The following PLXNA2 variants were observed in gnomAD, a reference collection of about 807,000 sequenced individuals.
The protein encoded by PLXNA2 is plexin-A2.
A neutral mutation model predicts 193.5 loss-of-function variants in PLXNA2; 91 were observed. The observed-to-expected ratio is 0.47, with a 90% confidence interval of 0.40 to 0.56. The LOEUF is 0.56. Among genes scored for constraint, PLXNA2 ranks in the 20% least tolerant of loss-of-function variants. The pLI is 0.00. For missense variants in PLXNA2, 1,995 were observed against 2,503.2 expected (o/e 0.80, Z 4.33); for synonymous variants, 997 against 1,027.3 (o/e 0.97, Z 0.56).
chr1:208,122,768 G>A (rs1667844942), intron 4 of PLXNA2, among the ~76,000 whole-genome samples: 1 of 152,148 alleles, frequency 6.6e-6, no homozygotes, highest in African/African-American at 2.4e-5. Flanking sequence ...AATAAGGATG[G>A]CAGAACCCTT....
intron 3 of PLXNA2, among the ~76,000 whole-genome samples, chr1:208,143,234 C>T (rs1015829393): frequency 1.1e-4 from 17 of 152,166 alleles, no homozygotes; most frequent in African/African-American, 3.9e-4. Flanking sequence ...AAAAGCTCCC[C>T]GGGTGAATTT....
intron 12 of PLXNA2, among the ~76,000 whole-genome samples, chr1:208,066,179 G>T (rs185125405): frequency 7.9e-5 from 12 of 152,314 alleles, no homozygotes; most frequent in African/African-American, 2.9e-4. Context: ...TTATACTGTG[G>T]ACTAGAAGTC....
intron 17 of PLXNA2, among the ~76,000 whole-genome samples, chr1:208,046,561 A>AGT (rs146562998): frequency 0.029 from 4,316 of 149,062 alleles, 189 homozygotes; most frequent in African/African-American, 0.099. Flanking sequence ...TGTGTGCATG[A>AGT]GTGTGTGTGT....
intron 17 of PLXNA2, 129 bp downstream of exon 17, chr1:208,050,880 A>G: frequency 1.5e-6 from 1 of 678,848 alleles, no homozygotes; most frequent in Non-Finnish European, 2.6e-6. Context: ...TTCCAGGCTC[A>G]GAGTCTTAAG....
intron 4 of PLXNA2, among the ~76,000 whole-genome samples, chr1:208,126,916 G>C (rs768418018): frequency 9.9e-5 from 15 of 152,174 alleles, no homozygotes; most frequent in Admixed American, 2.6e-4. Context: ...CCTGGGCCCA[G>C]GGACAGGTGA....
At chr1:208,220,125 G>A (rs527439284) in intron 1 of PLXNA2, among the ~76,000 whole-genome samples, 7 of 152,292 alleles carry the variant, frequency 4.6e-5, no homozygotes, top group Admixed American at 4.6e-4. Context: ...GGGGAGGAAG[G>A]GGGTTCTGGT....
At chr1:208,031,190 A>G (rs1365988384) in intron 29 of PLXNA2, 6 of 1,035,734 alleles carry the variant, frequency 5.8e-6, no homozygotes, top group Non-Finnish European at 7.0e-6. Flanking sequence ...GAACTGCCCC[A>G]CTCAGAATGC....
chr1:208,060,933 A>G, intron 12 of PLXNA2, 96 bp from the exon 13 acceptor site: 1 of 1,056,146 alleles, frequency 9.5e-7, no homozygotes, highest in Non-Finnish European at 1.4e-6. Flanking sequence ...AAGAACCTCC[A>G]TAGGTTCTTA....
intron 12 of PLXNA2, among the ~76,000 whole-genome samples, chr1:208,063,821 G>C (rs1386916877): frequency 1.3e-5 from 2 of 152,152 alleles, no homozygotes; most frequent in Non-Finnish European, 2.9e-5. Context: ...GTGATTATTT[G>C]ATTTGCAAGT....
chr1:208,033,551 C>T (rs1664575963), intron 27 of PLXNA2, 42 bp from the exon 28 acceptor site: 3 of 1,505,748 alleles, frequency 2.0e-6, no homozygotes, highest in Non-Finnish European at 2.7e-6. Context: ...GTAACAGTCA[C>T]CAGCCTTGCT....
At chr1:208,238,647 G>C (rs1263144024) in intron 1 of PLXNA2, among the ~76,000 whole-genome samples, 1 of 152,220 alleles carries the variant, frequency 6.6e-6, no homozygotes, top group Non-Finnish European at 1.5e-5. Flanking sequence ...TTATAATTCA[G>C]AGAAAGATTC....
intron 1 of PLXNA2, among the ~76,000 whole-genome samples, chr1:208,230,841 A>G (rs1671667058): frequency 6.6e-6 from 1 of 152,222 alleles, no homozygotes; most frequent in South Asian, 2.1e-4. Context: ...GCTGTCAGAC[A>G]GCCTCTCCTA....
chr1:208,174,674 T>G (rs1337417517), intron 3 of PLXNA2, among the ~76,000 whole-genome samples: 1 of 151,936 alleles, frequency 6.6e-6, no homozygotes, highest in Non-Finnish European at 1.5e-5. Flanking sequence ...GCCACAGGGG[T>G]CACCAGGCAC....
At chr1:208,068,609 C>T (rs763464285) in intron 12 of PLXNA2, among the ~76,000 whole-genome samples, 19 of 152,202 alleles carry the variant, frequency 1.2e-4, no homozygotes, top group South Asian at 4.1e-4. Flanking sequence ...GACCCGCACT[C>T]GGGTCGTGCC....
In PLXNA2 at chr1:208,216,845, T is replaced by C. The variant is rs1297559580; in HGVS notation, c.1078A>G (p.Ile360Val). 2 of 1,614,142 alleles carry C rather than the reference T, an allele frequency of 1.2e-6. No individual in the cohort carries two copies. Among genetic ancestry groups the C allele is most frequent in the Non-Finnish European group, 1.7e-6 (2 of 1,180,028 alleles). ...PDDSALCAFP[I>V]RAINLQIKER... ...TTGATCTGCAAGTTGATGGCCCGGA[T>C]AGGGAAGGCACACAGGGCAGAGTCA... Residue 360 changes from isoleucine (I) to valine (V), a missense_variant, in exon 2 of 32, where the codon ATC becomes GTC. This residue lies in a region of PLXNA2 where 702 missense variants were observed against 812.9 expected (regional missense o/e 0.86). Coordinates refer to ENST00000367033, the MANE Select transcript of PLXNA2 (RefSeq NM_025179.4).
Position 208,022,296 on chromosome 1 carries a change from A to T in PLXNA2, c.*4947T>A, listed in dbSNP as rs1033544071. On this transcript the variant is annotated 3_prime_UTR_variant, in exon 32 of 32. Coordinates refer to ENST00000367033, the MANE Select transcript of PLXNA2 (RefSeq NM_025179.4). ...TCAGTAAACTTTATTTATATATAAC[A>T]ACAGTACAAATTGTGTCCTCAGCTT... 2.0e-5 allele frequency: 3 copies of T among 152,496 alleles called. No individual in the cohort carries two copies. Among genetic ancestry groups the T allele is most frequent in the African/African-American group, 7.2e-5 (3 of 41,404 alleles). The allele number at this position is 152,496 out of a possible 1,614,324, so 9.4% of individuals were successfully genotyped here.
intron 3 of PLXNA2, among the ~76,000 whole-genome samples, chr1:208,157,809 A>G (rs572865720): frequency 6.6e-6 from 1 of 152,310 alleles, no homozygotes; most frequent in South Asian, 2.1e-4. Context: ...TTATTTGTAA[A>G]ATGGAAGAAT....
At chr1:208,124,495 A>G (rs989263015) in intron 4 of PLXNA2, among the ~76,000 whole-genome samples, 15 of 152,032 alleles carry the variant, frequency 9.9e-5, no homozygotes, top group Non-Finnish European at 1.6e-4. Flanking sequence ...CCTGGCCAAC[A>G]TGGCGAAACC....
At chr1:208,136,113 G>T (rs1668293577) in intron 4 of PLXNA2, among the ~76,000 whole-genome samples, 1 of 152,114 alleles carries the variant, frequency 6.6e-6, no homozygotes, top group African/African-American at 2.4e-5. Context: ...ACATGTAGGG[G>T]GAGAAGCTTC....
Sources: allele counts gnomAD v4.1 joint callset (sites outside exome capture counted in the v4.1 genomes callset), GRCh38; gene constraint gnomAD v4.1.1; regional missense constraint gnomAD v4.1.1; transcripts MANE v1.5; gene names NCBI Gene and HGNC (gene_info 2026-07-23, HGNC 2026-07-21).